Variants in METAP1 observed in about 807,000 individuals in gnomAD.
METAP1 encodes methionine aminopeptidase 1.
In METAP1, 28 loss-of-function variants were observed where a neutral mutation model predicts 53.8. The ratio of observed to expected loss-of-function variants is 0.52; its 90% CI spans 0.39 to 0.71. METAP1 has a LOEUF of 0.71. Among genes scored for constraint, METAP1 ranks in the 30% least tolerant of loss-of-function variants. The pLI is 0.00. For synonymous variants in METAP1, 181 were observed against 165.7 expected, an observed-to-expected ratio of 1.09 and a Z score of -0.71; for missense variants, 389 against 479.8, an observed-to-expected ratio of 0.81 and a Z score of 1.77.
At chr4:99,007,914 G>A (rs142973292) in intron 1 of METAP1, among the ~76,000 whole-genome samples, 40 of 152,294 alleles carry the variant, frequency 2.6e-4, no homozygotes, top group Admixed American at 7.8e-4. Flanking sequence ...CTGGTTTCTG[G>A]CAGGAATGTT....
At chr4:99,050,344 A>G (rs761402936) in intron 9 of METAP1, among the ~76,000 whole-genome samples, 5 of 152,232 alleles carry the variant, frequency 3.3e-5, no homozygotes, top group Non-Finnish European at 7.3e-5. Context: ...AATGAAGCTG[A>G]TATTTTGAGA....
At chr4:99,000,655 CTTT>C (rs781035164) in intron 1 of METAP1, among the ~76,000 whole-genome samples, 5 of 112,676 alleles carry the variant, frequency 4.4e-5, no homozygotes, top group African/African-American at 3.1e-5. Context: ...GGAAGAAAGT[CTTT>C]TTTTTTTTTT....
intron 2 of METAP1, among the ~76,000 whole-genome samples, chr4:99,030,144 C>G (rs1724894761): frequency 6.6e-6 from 1 of 152,088 alleles, no homozygotes; most frequent in Non-Finnish European, 1.5e-5. Flanking sequence ...ATTTTATACC[C>G]AGGAAGTTAA....
At chr4:99,056,865 G>A (rs535757217) in intron 9 of METAP1, among the ~76,000 whole-genome samples, 5 of 150,600 alleles carry the variant, frequency 3.3e-5, no homozygotes, top group African/African-American at 7.3e-5. Flanking sequence ...CACTGCGCCC[G>A]GCCTTGTTTT....
chr4:99,025,251 G>T, intron 1 of METAP1: 1 of 519,410 alleles, frequency 1.9e-6, no homozygotes, highest in Non-Finnish European at 2.5e-6. Flanking sequence ...GAATGAACAA[G>T]TTTGGCCTAT....
chr4:99,029,150 TATAGATGG>T (rs1560712486), intron 2 of METAP1, among the ~76,000 whole-genome samples: 2 of 152,194 alleles, frequency 1.3e-5, no homozygotes, highest in Non-Finnish European at 2.9e-5. Flanking sequence ...TAGTTGTTAG[TATAGATGG>T]ATCTTGCTTG....
At chr4:99,010,270 A>G (rs1328499875) in intron 1 of METAP1, among the ~76,000 whole-genome samples, 2 of 152,182 alleles carry the variant, frequency 1.3e-5, no homozygotes, top group Non-Finnish European at 2.9e-5. Flanking sequence ...TTTGGGCAAG[A>G]TGGTGAAACC....
intron 1 of METAP1, among the ~76,000 whole-genome samples, chr4:99,027,204 CAAAA>C (rs1374727159): frequency 6.6e-6 from 1 of 152,158 alleles, no homozygotes; most frequent in African/African-American, 2.4e-5. Flanking sequence ...AATCAACTTA[CAAAA>C]ACCAGATTAA....
chr4:99,054,422 G>T (rs539662450), intron 9 of METAP1, among the ~76,000 whole-genome samples: 58 of 152,174 alleles, frequency 3.8e-4, no homozygotes, highest in Non-Finnish European at 7.9e-4. Context: ...TTAGTGCCTT[G>T]CTCTGGATTG....
intron 9 of METAP1, among the ~76,000 whole-genome samples, chr4:99,054,083 C>T (rs978586647): frequency 6.6e-6 from 1 of 151,724 alleles, no homozygotes; most frequent in East Asian, 1.9e-4. Context: ...CTGCAGGATC[C>T]CCTAACAAGA....
intron 10 of METAP1, among the ~76,000 whole-genome samples, chr4:99,059,874 G>A (rs1727415684): frequency 6.6e-6 from 1 of 151,840 alleles, no homozygotes; most frequent in African/African-American, 2.4e-5. Flanking sequence ...TCTTTCTTTT[G>A]CCCCTCTTTC....
intron 1 of METAP1, among the ~76,000 whole-genome samples, chr4:99,017,027 G>T (rs951238950): frequency 6.6e-6 from 1 of 152,216 alleles, no homozygotes; most frequent in Non-Finnish European, 1.5e-5. Context: ...GGGGAGAGGA[G>T]GGAGGGAGTT....
chr4:99,036,044 T>C (rs1725399408), intron 4 of METAP1: 1 of 154,372 alleles, frequency 6.5e-6, no homozygotes, highest in Non-Finnish European at 1.5e-5. Flanking sequence ...TTTTTATAGA[T>C]AATGATACTG....
chr4:99,023,215 A>T lies in METAP1; in HGVS notation c.115-5652A>T, dbSNP rs1446790198. The T allele has an allele frequency of 1.5e-5, 7 of 481,060 alleles. No individual in the cohort carries two copies. The South Asian group carries it at 2.0e-4, about 14-fold the overall frequency. 29.8% of individuals were successfully genotyped at this position (481,060 alleles called of 1,614,324 possible). ...ATTTGCATGGTTAAATCACAATTTA[A>T]CCTATTTTATATTGATGTATATCTA... On this transcript the variant is annotated intron_variant, in intron 1 of 10. Transcript: ENST00000296411.
At position 99,039,326 on chromosome 4, in the gene METAP1, T is replaced by C. The variant is rs1318398030; in HGVS notation, c.341-48T>C. On this transcript the variant is annotated intron_variant, in intron 4 of 10. Transcript: ENST00000296411. ...GGTTTATAATTATGCAAATAAATAC[T>C]ACATCTTTGCATTCATTTTGGTTTT... 4 of 1,090,578 alleles carry C rather than the reference T, an allele frequency of 3.7e-6. No individual in the cohort carries two copies. The East Asian group carries it at 7.1e-5, about 19-fold the overall frequency. 67.6% of individuals were successfully genotyped at this position (1,090,578 alleles called of 1,614,324 possible). A position where few individuals can be genotyped will look rare whatever the true frequency, so the allele number is the denominator to read the frequency against.
At chr4:99,003,187 G>A (rs1723001985) in intron 1 of METAP1, among the ~76,000 whole-genome samples, 1 of 152,204 alleles carries the variant, frequency 6.6e-6, no homozygotes, top group Non-Finnish European at 1.5e-5. Flanking sequence ...GAGTGGTTAG[G>A]ATATAAATGA....
chr4:99,057,172 T>C (rs545300776), intron 9 of METAP1, among the ~76,000 whole-genome samples: 1 of 152,334 alleles, frequency 6.6e-6, no homozygotes, highest in East Asian at 1.9e-4. Context: ...CCCAGCTTAT[T>C]TTTTAAAAAG....
At chr4:99,036,447 C>T (rs1725429046) in intron 4 of METAP1, among the ~76,000 whole-genome samples, 1 of 151,994 alleles carries the variant, frequency 6.6e-6, no homozygotes, top group African/African-American at 2.4e-5. Context: ...AAGGTAAATT[C>T]TAACAAATGT....
chr4:99,008,456 AT>A (rs1247417481), intron 1 of METAP1, among the ~76,000 whole-genome samples: 1 of 152,208 alleles, frequency 6.6e-6, no homozygotes, highest in Non-Finnish European at 1.5e-5. Context: ...CTTTGCAGAA[AT>A]TTAAAACAGA....
Sources: gnomAD v4.1 joint callset for allele counts (sites outside exome capture counted in the v4.1 genomes callset) on GRCh38, gnomAD v4.1.1 for gene constraint, MANE v1.5 for transcripts, NCBI Gene and HGNC (gene_info 2026-07-23, HGNC 2026-07-21) for gene names.